PHAX: variants seen among roughly 807,000 people sequenced by gnomAD.
PHAX encodes the protein phosphorylated adaptor for RNA export.
PHAX carries 31 observed loss-of-function variants against 41.6 expected under a neutral mutation model. The observed-to-expected ratio is 0.75, with a 90% CI of 0.56 to 1.01. PHAX has a LOEUF of 1.01. Among genes scored for constraint, PHAX ranks in the 50% least tolerant of loss-of-function variants. PHAX has a pLI of 0.00. For missense variants in PHAX, 453 were observed against 472.9 expected (o/e 0.96, Z 0.39); for synonymous variants, 175 against 164.9 (o/e 1.06, Z -0.47).
chr5:126,611,791 G>GA (rs953528015), intron 3 of PHAX, among the ~76,000 whole-genome samples: 94 of 134,728 alleles, frequency 7.0e-4, no homozygotes, highest in Non-Finnish European at 7.6e-4. Flanking sequence ...ACCCTGTCTC[G>GA]AAAAAAAAAA....
Position 126,604,029 on chromosome 5 carries a change from G to A in PHAX, c.556G>A (p.Gly186Arg), listed in dbSNP as rs1266499302. 5.0e-6 allele frequency: 8 copies of A among 1,613,776 alleles called. No homozygotes were observed. The highest frequency in any genetic ancestry group is 2.2e-5 in the East Asian group (1 of 44,878). ...ATATATGCATGGTGGCAAAAAAATGGGATCAAAGGAAGAGGAAAATGGGCA... is the reference window on the plus strand; with the variant it reads ...ATATATGCATGGTGGCAAAAAAATGAGATCAAAGGAAGAGGAAAATGGGCA... ...DEYMHGGKKM[G>R]SKEEENGQGH... The change falls in exon 2 of 5, where the codon GGA becomes AGA. Residue 186 changes from glycine (G) to arginine (R), a missense_variant. Physicochemically the swap from Gly to Arg is moderately radical, Grantham distance 125 (BLOSUM62 -2). Transcript: ENST00000297540.
At chr5:126,611,606 T>A (rs1752102459) in intron 3 of PHAX, among the ~76,000 whole-genome samples, 1 of 151,918 alleles carries the variant, frequency 6.6e-6, no homozygotes, top group African/African-American at 2.4e-5. Flanking sequence ...GGCAACATGG[T>A]GAAATCCTGT....
chr5:126,609,779 G>A (rs1024945643), intron 3 of PHAX, among the ~76,000 whole-genome samples: 1 of 150,618 alleles, frequency 6.6e-6, no homozygotes, highest in African/African-American at 2.4e-5. Flanking sequence ...TCACTCTGTC[G>A]CCCAGGCTGG....
chr5:126,603,874 T>A lies in PHAX; in HGVS notation c.401T>A (p.Leu134His). 6.2e-7 allele frequency: 1 copy of A among 1,614,016 alleles called. No homozygotes were observed. The highest frequency in any genetic ancestry group is 8.5e-7 in the Non-Finnish European group (1 of 1,180,000). ...EQNQDAVATELGILGMEGTID... is the reference protein window; with the variant it reads ...EQNQDAVATEHGILGMEGTID... The stretch of plus-strand genomic sequence containing the variant: ...AATCAAGATGCAGTGGCCACTGAAC[T>A]TGGTATCTTGGGAATGGAGGGCACT... The change falls in exon 2 of 5, where the codon CTT becomes CAT. Residue 134 changes from leucine (L) to histidine (H), a missense_variant. Transcript: ENST00000297540.
At chr5:126,610,143 G>A (rs2112832319) in intron 3 of PHAX, among the ~76,000 whole-genome samples, 1 of 152,324 alleles carries the variant, frequency 6.6e-6, no homozygotes, top group African/African-American at 2.4e-5. Context: ...GAAAGTTGGG[G>A]GAAGTCTAAA....
At chr5:126,618,734 C>T (rs751766977) in intron 4 of PHAX, among the ~76,000 whole-genome samples, 2 of 149,086 alleles carry the variant, frequency 1.3e-5, no homozygotes, top group East Asian at 3.9e-4. Context: ...GTCATGATCT[C>T]GGCAACCTCT....
At chr5:126,623,263 G>T (rs2112839284) in intron 4 of PHAX, among the ~76,000 whole-genome samples, 1 of 152,232 alleles carries the variant, frequency 6.6e-6, no homozygotes, top group Admixed American at 6.5e-5. Flanking sequence ...CTCCAGCTTG[G>T]GTGACAGCGA....
At chr5:126,601,759 C>T (rs1342531013) in intron 1 of PHAX, among the ~76,000 whole-genome samples, 1 of 152,138 alleles carries the variant, frequency 6.6e-6, no homozygotes, top group African/African-American at 2.4e-5. Flanking sequence ...CTCCGCCTCC[C>T]GGGTTCAAGC....
At chr5:126,602,513 A>G (rs1160645741) in intron 1 of PHAX, among the ~76,000 whole-genome samples, 2 of 152,252 alleles carry the variant, frequency 1.3e-5, no homozygotes, top group Non-Finnish European at 2.9e-5. Context: ...TTATTATTTG[A>G]AGATAGGAAG....
At chr5:126,616,179 A>C (rs1752181628) in intron 3 of PHAX, among the ~76,000 whole-genome samples, 1 of 150,132 alleles carries the variant, frequency 6.7e-6, no homozygotes, top group Non-Finnish European at 1.5e-5. Context: ...TGCAACCTCC[A>C]CCTCCTGGGT....
In PHAX at chr5:126,625,783, C is replaced by G. The variant is rs1469994422; in HGVS notation, c.*939C>G. 1 of 151,794 alleles carries G rather than the reference C, an allele frequency of 6.6e-6. No homozygotes were observed. The highest frequency in any genetic ancestry group is 2.4e-5 in the African/African-American group (1 of 41,228). The allele number at this position is 151,794 out of a possible 1,614,324, so 9.4% of individuals were successfully genotyped here. On this transcript the variant is annotated 3_prime_UTR_variant, in exon 5 of 5. Coordinates refer to ENST00000297540, the MANE Select transcript of PHAX (RefSeq NM_032177.4). ...GTGGCAGGATCTCAGCTTACTGCAGCTTCCATCTCCCAGGTTCAAGCGATC... is the reference window on the plus strand; with the variant it reads ...GTGGCAGGATCTCAGCTTACTGCAGGTTCCATCTCCCAGGTTCAAGCGATC...
At chr5:126,610,862 C>T (rs1172331161) in intron 3 of PHAX, among the ~76,000 whole-genome samples, 2 of 151,862 alleles carry the variant, frequency 1.3e-5, no homozygotes, top group Non-Finnish European at 2.9e-5. Context: ...CGTGCCACCG[C>T]GCTTGGCTAA....
rs143936903 is a variant in PHAX at position 126,616,342 on chromosome 5, C to T, written c.832-908C>T. Among the ~76,000 whole-genome samples, 448 of 152,204 alleles carry T rather than the reference C, an allele frequency of 2.9e-3. 2 individuals carry two copies. Among genetic ancestry groups the T allele is most frequent in the African/African-American group, 0.01 (425 of 41,530 alleles). On this transcript the variant is annotated intron_variant, in intron 3 of 4. Coordinates refer to ENST00000297540, the MANE Select transcript of PHAX (RefSeq NM_032177.4). ...AATTCCTGACCTCAGGTGATCCACC[C>T]GCCTCGGCGTCCAAAGTGCTGGGAT...
At chr5:126,601,221 G>A (rs1191667814) in intron 1 of PHAX, among the ~76,000 whole-genome samples, 163 bp downstream of exon 1, 2 of 152,032 alleles carry the variant, frequency 1.3e-5, no homozygotes, top group East Asian at 3.9e-4. Context: ...GCGAGCAGAC[G>A]TCCCCCAGGC....
chr5:126,602,771 G>A (rs187882322), intron 1 of PHAX, among the ~76,000 whole-genome samples: 31 of 152,234 alleles, frequency 2.0e-4, no homozygotes, highest in Admixed American at 1.8e-3. Flanking sequence ...TTGGGAGGCC[G>A]AGGCGGGTGG....
intron 3 of PHAX, among the ~76,000 whole-genome samples, chr5:126,613,756 C>A (rs1205893268): frequency 2.7e-5 from 4 of 150,200 alleles, no homozygotes; most frequent in Non-Finnish European, 4.4e-5. Context: ...TGGTTTTTTT[C>A]TTTTCTTTTT....
At position 126,617,240 on chromosome 5, in the gene PHAX, C is replaced by G; in HGVS notation, c.832-10C>G. On this transcript the variant is annotated splice_polypyrimidine_tract_variant and intron_variant, in intron 3 of 4. Coordinates refer to ENST00000297540, the MANE Select transcript of PHAX (RefSeq NM_032177.4). ...TATATGCAGTTTACCTTTTCTGTTC[C>G]TTTTTGTAGAATGGTAGTCGAAGAA... 6.3e-7 allele frequency: 1 copy of G among 1,592,648 alleles called. No individual in the cohort carries two copies. Among genetic ancestry groups the G allele is most frequent in the South Asian group, 1.1e-5 (1 of 90,176 alleles).
In PHAX at chr5:126,601,076, G is replaced by A. The variant is rs768399138; in HGVS notation, c.96+18G>A. The A allele has an allele frequency of 2.3e-5, 36 of 1,570,680 alleles. No individual in the cohort carries two copies. Among genetic ancestry groups the A allele is most frequent in the East Asian group, 7.0e-5 (3 of 42,692 alleles). ...AATTGCCAGTGAGTGTGAAAGGAGGGTGGGTGATCGTGGCTGGGCGCGCGG... is the reference window on the plus strand; with the variant it reads ...AATTGCCAGTGAGTGTGAAAGGAGGATGGGTGATCGTGGCTGGGCGCGCGG... On this transcript the variant is annotated intron_variant, in intron 1 of 4. Transcript: ENST00000297540.
chr5:126,603,705 T>C lies in PHAX; in HGVS notation c.232T>C (p.Cys78Arg), dbSNP rs1162156037. 3 of 1,614,228 alleles carry C rather than the reference T, an allele frequency of 1.9e-6. No homozygotes were observed. Residue 78 changes from cysteine (C) to arginine (R), a missense_variant, in exon 2 of 5, where the codon TGT becomes CGT. Coordinates refer to ENST00000297540, the MANE Select transcript of PHAX (RefSeq NM_032177.4). The part of the protein sequence containing the change: ...ESFSDSDDDS[C>R]LWKRKRQKCF... ...TTTTTCTGATTCAGATGATGATAGC[T>C]GTCTTTGGAAACGCAAACGACAGAA...
Sources: allele counts gnomAD v4.1 joint callset (sites outside exome capture counted in the v4.1 genomes callset), GRCh38; gene constraint gnomAD v4.1.1; transcripts MANE v1.5; gene names NCBI Gene and HGNC (gene_info 2026-07-23, HGNC 2026-07-21).